The following CRB1 variants were observed in gnomAD, a reference collection of about 807,000 sequenced individuals.
The protein encoded by CRB1 is crumbs cell polarity complex component 1, also known as protein crumbs homolog 1.
Under a neutral mutation model 120.0 loss-of-function variants are expected in CRB1, and 83 were observed. The ratio of observed to expected loss-of-function variants is 0.69; its 90% CI spans 0.58 to 0.83. CRB1 has a LOEUF of 0.83. CRB1 is among the 40% of genes least tolerant of loss of function. The pLI is 0.00. For synonymous variants in CRB1, 625 were observed against 612.5 expected (o/e 1.02, Z -0.30); for missense variants, 1,699 against 1,687.6 (o/e 1.01, Z -0.12).
intron 1 of CRB1, among the ~76,000 whole-genome samples, chr1:197,325,123 A>C (rs905707181): frequency 1.3e-5 from 2 of 152,164 alleles, no homozygotes; most frequent in Admixed American, 1.3e-4. Context: ...ATTATTCAAC[A>C]AATTTCTATT....
chr1:197,324,384 T>C (rs987322891), intron 1 of CRB1, among the ~76,000 whole-genome samples: 1 of 152,214 alleles, frequency 6.6e-6, no homozygotes, highest in African/African-American at 2.4e-5. Flanking sequence ...AATAATAAGA[T>C]ATATGTACTT....
chr1:197,206,510 C>A, the CRB1 span, among the ~76,000 whole-genome samples: 2 of 152,036 alleles, frequency 1.3e-5, no homozygotes, highest in Non-Finnish European at 2.9e-5. Context: ...TCATTGTTGA[C>A]CCAATGATCA....
chr1:197,416,750 C>T (rs1307402642), intron 5 of CRB1, among the ~76,000 whole-genome samples: 1 of 151,924 alleles, frequency 6.6e-6, no homozygotes. Flanking sequence ...CGCTCTGTTG[C>T]CCCGGCTGGA....
At chr1:197,436,795 A>G (rs1665181716) in intron 9 of CRB1, among the ~76,000 whole-genome samples, 1 of 152,174 alleles carries the variant, frequency 6.6e-6, no homozygotes, top group Non-Finnish European at 1.5e-5. Flanking sequence ...TCTACAACTT[A>G]CAGAATTGTA....
intron 11 of CRB1, chr1:197,442,508 G>T (rs980789859): frequency 4.0e-5 from 58 of 1,466,300 alleles, no homozygotes; most frequent in Non-Finnish European, 5.2e-5. Context: ...GAAGAAAAAG[G>T]AAATAAAAAC....
chr1:197,239,117 GT>G, the CRB1 span, among the ~76,000 whole-genome samples: 1 of 151,926 alleles, frequency 6.6e-6, no homozygotes, highest in African/African-American at 2.4e-5. Context: ...AATTTATTAA[GT>G]TTTTTTATGG....
chr1:197,222,543 T>G, the CRB1 span: 1 of 768,266 alleles, frequency 1.3e-6, no homozygotes, highest in South Asian at 1.3e-5. Context: ...TGTTGCAAAT[T>G]CCATTCGCTC....
At chr1:197,420,109 C>T (rs1249097057) in intron 5 of CRB1, among the ~76,000 whole-genome samples, 3 of 151,432 alleles carry the variant, frequency 2.0e-5, no homozygotes, top group Non-Finnish European at 1.5e-5. Flanking sequence ...CTAAGAATAT[C>T]TGCTTTGAAA....
intron 11 of CRB1, among the ~76,000 whole-genome samples, chr1:197,465,960 G>A (rs986845989): frequency 2.0e-5 from 3 of 152,182 alleles, no homozygotes; most frequent in Admixed American, 2.0e-4. Context: ...AGCTGTCAAA[G>A]TTAAAATAAT....
At chr1:197,278,837 T>A (rs768089809) in intron 1 of CRB1, among the ~76,000 whole-genome samples, 1 of 151,906 alleles carries the variant, frequency 6.6e-6, no homozygotes, top group Non-Finnish European at 1.5e-5. Flanking sequence ...GCAGTTAAAA[T>A]GAGCAAGGTC....
chr1:197,215,776 A>C, the CRB1 span, among the ~76,000 whole-genome samples: 1 of 152,188 alleles, frequency 6.6e-6, no homozygotes, highest in South Asian at 2.1e-4. Context: ...CCAGCCATGC[A>C]GAACTGTGAG....
At chr1:197,460,329 T>C (rs1666471757) in intron 11 of CRB1, among the ~76,000 whole-genome samples, 1 of 152,048 alleles carries the variant, frequency 6.6e-6, no homozygotes, top group South Asian at 2.1e-4. Context: ...ATATAAAAGG[T>C]GCCTTATACT....
chr1:197,259,292 T>C, the CRB1 span, among the ~76,000 whole-genome samples: 1 of 152,238 alleles, frequency 6.6e-6, no homozygotes, highest in African/African-American at 2.4e-5. Flanking sequence ...TGCCCATCAA[T>C]GATAGACTGG....
At chr1:197,386,304 T>C (rs1188659841) in intron 5 of CRB1, among the ~76,000 whole-genome samples, 2 of 152,146 alleles carry the variant, frequency 1.3e-5, no homozygotes, top group Non-Finnish European at 2.9e-5. Context: ...TGGCACATAG[T>C]AAGAGCTTTG....
chr1:197,463,951 C>A (rs1011522166), intron 11 of CRB1, among the ~76,000 whole-genome samples: 1 of 152,038 alleles, frequency 6.6e-6, no homozygotes, highest in Non-Finnish European at 1.5e-5. Context: ...AGTAAAAGAA[C>A]CCTAACAAAT....
the CRB1 span, among the ~76,000 whole-genome samples, chr1:197,202,796 C>G: frequency 6.6e-6 from 1 of 152,004 alleles, no homozygotes; most frequent in South Asian, 2.1e-4. Context: ...CAGTTTTACC[C>G]AACTCTTCAA....
chr1:197,471,249 G>A (rs1235476111), intron 11 of CRB1, among the ~76,000 whole-genome samples: 1 of 152,126 alleles, frequency 6.6e-6, no homozygotes, highest in African/African-American at 2.4e-5. Flanking sequence ...ATAAGAAATT[G>A]TAATCACATG....
Position 197,444,857 on chromosome 1 carries a change from T to A in CRB1, c.4005+2565T>A, listed in dbSNP as rs1571577793. The A allele has an allele frequency of 2.0e-5, 3 of 152,258 alleles. No homozygotes were observed. The South Asian group carries it at 6.2e-4, about 32-fold the overall frequency. The allele number at this position is 152,258 out of a possible 1,614,324, so 9.4% of individuals were successfully genotyped here. A position where few individuals can be genotyped will look rare whatever the true frequency, so the allele number is the denominator to read the frequency against. On this transcript the variant is annotated intron_variant, in intron 11 of 11. Transcript: ENST00000367400. ...CTCATCTTCTAATGGTACTTGTACT[T>A]GTTTGCCTTGACTATGTCTTGTATG...
chr1:197,437,191 A>C (rs1431298582), intron 9 of CRB1, among the ~76,000 whole-genome samples: 1 of 152,146 alleles, frequency 6.6e-6, no homozygotes, highest in African/African-American at 2.4e-5. Context: ...GCCTGTAGAC[A>C]TTACACTAAT....
Sources: allele counts gnomAD v4.1 joint callset (sites outside exome capture counted in the v4.1 genomes callset), GRCh38; gene constraint gnomAD v4.1.1; transcripts MANE v1.5; gene names NCBI Gene and HGNC (gene_info 2026-07-23, HGNC 2026-07-21).